HRAS: variants seen among roughly 807,000 people sequenced by gnomAD.
HRAS encodes GTPase HRas.
Under a neutral mutation model 19.8 loss-of-function variants are expected in HRAS, and 11 were observed. That is an observed-to-expected ratio of 0.55 (90% CI 0.35 to 0.92). The LOEUF is 0.92. Ranked by LOEUF, HRAS falls within the 40% of genes least tolerant of loss-of-function variation. The pLI is 0.01. For synonymous variants in HRAS, 149 were observed against 105.5 expected (o/e 1.41, Z -2.52); for missense variants, 204 against 255.9 (o/e 0.80, Z 1.38).
Position 532,731 on chromosome 11 carries a change from A to G in HRAS, c.475T>C (p.Leu159=). 6.2e-7 allele frequency: 1 copy of G among 1,613,058 alleles called. No individual in the cohort carries two copies. Among genetic ancestry groups the G allele is most frequent in the Non-Finnish European group, 8.5e-7 (1 of 1,180,000 alleles). ...TTGTGCTGCCGGATCTCACGCACCAACGTGTAGAAGGCATCCTCCACTCCC... is the reference window on the plus strand; with the variant it reads ...TTGTGCTGCCGGATCTCACGCACCAGCGTGTAGAAGGCATCCTCCACTCCC... The part of the protein sequence containing the change: ...RQGVEDAFYT[L]VREIRQHKLR... Residue 159 remains leucine, a synonymous_variant, in exon 5 of 6, where the codon TTG becomes CTG. Transcript: ENST00000311189.
At chr11:534,862 A>G (rs1436144353) in intron 1 of HRAS, among the ~76,000 whole-genome samples, 1 of 152,110 alleles carries the variant, frequency 6.6e-6, no homozygotes, top group African/African-American at 2.4e-5. Flanking sequence ...GGGAGGGCAG[A>G]CCCGGGCAGC....
At chr11:535,265 G>A (rs1204474628) in intron 1 of HRAS, 151 bp downstream of exon 1, 1 of 144,204 alleles carries the variant, frequency 6.9e-6, no homozygotes, top group Non-Finnish European at 1.5e-5. Context: ...ACCTGTGCCC[G>A]CGGGCCCCGC....
intron 1 of HRAS, 36 bp downstream of exon 1, chr11:535,380 G>A (rs1021122025): frequency 6.8e-6 from 1 of 147,070 alleles, no homozygotes; most frequent in Non-Finnish European, 1.5e-5. Context: ...GGGGCGAGGA[G>A]GGCGCGCGGC....
rs1347169680 is a variant in HRAS, at chr11:533,948, CAGG to C, written c.112-7_112-5del. 3.1e-6 allele frequency: 5 copies of C among 1,609,740 alleles called. No individual in the cohort carries two copies. The highest frequency in any genetic ancestry group is 2.2e-5 in the East Asian group (1 of 44,896). On this transcript the variant is annotated splice_region_variant and splice_polypyrimidine_tract_variant and intron_variant, in intron 2 of 5. Transcript: ENST00000311189. ...CCACCTGCTTCCGGTAGGAATCCTG[CAGG>C]AGGACAGGGCTCAGGGACCCCCTCA...
rs1487523036 is a variant in HRAS, at chr11:535,457, G to A, written c.-95C>T. The A allele has an allele frequency of 6.8e-6, 1 of 147,020 alleles. No individual in the cohort carries two copies. Among genetic ancestry groups the A allele is most frequent in the African/African-American group, 2.4e-5 (1 of 40,824 alleles). 9.1% of individuals were successfully genotyped at this position (147,020 alleles called of 1,614,324 possible). A position where few individuals can be genotyped will look rare whatever the true frequency, so the allele number is the denominator to read the frequency against. ...TGCCCCCGGGGCCAGGGCCGGGGCC[G>A]AGGCCGGGGCGGGGCGGGGGCGGGG... On this transcript the variant is annotated 5_prime_UTR_variant, in exon 1 of 6. Coordinates refer to ENST00000311189, the MANE Select transcript of HRAS (RefSeq NM_005343.4).
chr11:535,077 G>T (rs1467971684), intron 1 of HRAS, among the ~76,000 whole-genome samples: 1 of 152,022 alleles, frequency 6.6e-6, no homozygotes, highest in African/African-American at 2.4e-5. Flanking sequence ...GCCCGGGCGT[G>T]CCGTGGCCGC....
intron 1 of HRAS, 108 bp downstream of exon 1, chr11:535,308 C>T (rs1346281760): frequency 6.8e-6 from 1 of 146,194 alleles, no homozygotes; most frequent in Non-Finnish European, 1.5e-5. Flanking sequence ...GCCGCCGCCG[C>T]CGCCGCTTAC....
At position 532,452 on chromosome 11, in the gene HRAS, C is replaced by T. The variant is rs45565838; in HGVS notation, c.*76G>A. 4.8e-6 allele frequency: 4 copies of T among 834,812 alleles called. No individual in the cohort carries two copies. Among genetic ancestry groups the T allele is most frequent in the South Asian group, 1.7e-5 (1 of 58,688 alleles). The allele number at this position is 834,812 out of a possible 1,614,324, so 51.7% of individuals were successfully genotyped here. On this transcript the variant is annotated 3_prime_UTR_variant, in exon 6 of 6. Transcript: ENST00000311189. ...CAGCCCTTCCTTCCTTCCTTGCTTC[C>T]GTCCTTCCTTCCTCCTCCTTCCGTC... is the stretch of plus-strand genomic sequence containing the variant.
intron 4 of HRAS, 44 bp downstream of exon 4, chr11:533,409 C>T (rs367952414): frequency 1.8e-5 from 14 of 767,212 alleles, no homozygotes; most frequent in African/African-American, 8.8e-5. Context: ...TGGGGCGGGG[C>T]GGGGCGGGTC....
At chr11:534,428 A>G in intron 1 of HRAS, 53 bp from the exon 2 acceptor site, 1 of 887,448 alleles carries the variant, frequency 1.1e-6, no homozygotes, top group Non-Finnish European at 1.8e-6. Flanking sequence ...CAGGCCCCAC[A>G]GGGCAGCTGC....
chr11:534,041 C>T (rs1416002692), intron 2 of HRAS, 97 bp from the exon 3 acceptor site: 3 of 1,367,900 alleles, frequency 2.2e-6, no homozygotes, highest in Non-Finnish European at 2.1e-6. Context: ...CCCCTCATGC[C>T]CCCTCCTCTC....
intron 5 of HRAS, 32 bp from the exon 6 acceptor site, chr11:532,554 C>A: frequency 6.4e-7 from 1 of 1,560,318 alleles, no homozygotes; most frequent in Non-Finnish European, 8.6e-7. Flanking sequence ...CTGCTGACCG[C>A]AGGCCAGGAG....
intron 2 of HRAS, 21 bp from the exon 3 acceptor site, chr11:533,965 G>T (rs1211918044): frequency 1.2e-6 from 2 of 1,607,280 alleles, no homozygotes. Flanking sequence ...ACAGGGCTCA[G>T]GGACCCCCTC....
intron 2 of HRAS, 101 bp from the exon 3 acceptor site, chr11:534,045 T>C: frequency 7.4e-7 from 1 of 1,355,578 alleles, no homozygotes; most frequent in Admixed American, 1.7e-5. Flanking sequence ...TCATGCCCCC[T>C]CCTCTCCTGG....
chr11:534,650 C>T, intron 1 of HRAS: 1 of 444,448 alleles, frequency 2.2e-6, no homozygotes, highest in South Asian at 2.7e-5. Flanking sequence ...ACCACGCACC[C>T]AAATTAGAAG....
Position 533,798 on chromosome 11 carries a change from G to A in HRAS, c.258C>T (p.Asn86=), listed in dbSNP as rs765849763. The A allele has an allele frequency of 3.1e-6, 5 of 1,613,306 alleles. No homozygotes were observed. In the African/African-American group the frequency reaches 6.7e-5, roughly 22 times the overall value. The change falls in exon 3 of 6, where the codon AAC becomes AAT. Residue 86 remains asparagine, a synonymous_variant. Coordinates refer to ENST00000311189, the MANE Select transcript of HRAS (RefSeq NM_005343.4). The part of the protein sequence containing the change: ...EGFLCVFAIN[N]TKSFEDIHQY... ...GGTGGATGTCCTCAAAAGACTTGGTGTTGTTGATGGCAAACACACACAGGA... is the reference window on the plus strand; with the variant it reads ...GGTGGATGTCCTCAAAAGACTTGGTATTGTTGATGGCAAACACACACAGGA...
chr11:533,538 G>A lies in HRAS; in HGVS notation c.365C>T (p.Ala122Val), dbSNP rs779711606. The stretch of plus-strand genomic sequence containing the variant: ...AGCCTGCCGAGATTCCACAGTGCGT[G>A]CAGCCAGGTCACACTTGTTCCCCAC... Reference protein sequence around the residue: ...VLVGNKCDLAARTVESRQAQD... With the variant: ...VLVGNKCDLAVRTVESRQAQD... Residue 122 changes from alanine to valine, a missense_variant, in exon 4 of 6, where the codon GCA (alanine) becomes GTA (valine). Physicochemically the swap from Ala to Val is moderately conservative, Grantham distance 64. Transcript: ENST00000311189. The A allele has an allele frequency of 8.1e-6, 13 of 1,613,760 alleles. No homozygotes were observed. The East Asian group carries it at 2.7e-4, about 33-fold the overall frequency.
chr11:532,852 A>G, intron 4 of HRAS, 97 bp from the exon 5 acceptor site: 1 of 1,233,180 alleles, frequency 8.1e-7, no homozygotes, highest in Non-Finnish European at 1.2e-6. Context: ...CCTGGCCCGA[A>G]GCTCCCGACT....
intron 4 of HRAS, 174 bp downstream of exon 4, chr11:533,279 C>A: frequency 6.3e-7 from 1 of 1,586,686 alleles, no homozygotes; most frequent in Non-Finnish European, 8.5e-7. Flanking sequence ...AGACTTACAG[C>A]GCGAGGGGCC....
Sources: allele counts gnomAD v4.1 joint callset (sites outside exome capture counted in the v4.1 genomes callset), GRCh38; gene constraint gnomAD v4.1.1; transcripts MANE v1.5; gene names NCBI Gene and HGNC (gene_info 2026-07-23, HGNC 2026-07-21).